The following CFHR5 variants were observed in gnomAD, a reference collection of about 807,000 sequenced individuals.
The protein encoded by CFHR5 is complement factor H related 5.
Under a neutral mutation model 62.9 loss-of-function variants are expected in CFHR5, and 73 were observed. The observed-to-expected ratio is 1.16, with a 90% CI of 0.96 to 1.41. CFHR5 has a LOEUF of 1.41. Ranked by LOEUF, CFHR5 falls within the 40% of genes most tolerant of loss-of-function variation. The pLI is 0.00. For missense variants in CFHR5, 779 were observed against 679.9 expected (o/e 1.15, Z -1.62); for synonymous variants, 249 against 227.2 (o/e 1.10, Z -0.86).
Position 196,994,086 on chromosome 1 carries a change from A to G in CFHR5, c.437A>G (p.Glu146Gly), listed in dbSNP as rs761584967. ...TPPICSFTKG[E>G]CHVPILEANV... ...CATTTAATTTTATTTTTAGAAGGAGAATGTCATGTTCCAATTTTAGAAGCC... is the reference window on the plus strand; with the variant it reads ...CATTTAATTTTATTTTTAGAAGGAGGATGTCATGTTCCAATTTTAGAAGCC... The change falls in exon 4 of 10, where the codon GAA becomes GGA. Residue 146 changes from glutamate to glycine, a missense_variant. Transcript: ENST00000256785. The G allele has an allele frequency of 2.9e-5, 47 of 1,610,688 alleles. No homozygotes were observed. The highest frequency in any genetic ancestry group is 3.5e-5 in the Non-Finnish European group (41 of 1,177,538).
intron 9 of CFHR5, among the ~76,000 whole-genome samples, chr1:197,008,236 T>C (rs1654342593): frequency 6.6e-6 from 1 of 151,572 alleles, no homozygotes; most frequent in East Asian, 1.9e-4. Flanking sequence ...AGGATGCATA[T>C]TCTGGCTCAA....
chr1:196,997,245 C>A (rs1410004154), intron 6 of CFHR5, among the ~76,000 whole-genome samples: 1 of 152,076 alleles, frequency 6.6e-6, no homozygotes, highest in Non-Finnish European at 1.5e-5. Context: ...CCGTGATGAC[C>A]TATTGTGAGG....
chr1:196,988,797 C>A (rs1043822632), intron 3 of CFHR5, among the ~76,000 whole-genome samples: 1 of 152,072 alleles, frequency 6.6e-6, no homozygotes, highest in Non-Finnish European at 1.5e-5. Context: ...ATTTTCACAT[C>A]GATGTTCATC....
At chr1:196,978,827 G>A (rs1197065130) in intron 1 of CFHR5, among the ~76,000 whole-genome samples, 1 of 152,202 alleles carries the variant, frequency 6.6e-6, no homozygotes, top group East Asian at 1.9e-4. Context: ...TTCTAAAGGG[G>A]GGTGGAAGCA....
chr1:197,001,774 T>C (rs1218391778), intron 7 of CFHR5, among the ~76,000 whole-genome samples: 1 of 141,352 alleles, frequency 7.1e-6, no homozygotes, highest in African/African-American at 2.6e-5. Flanking sequence ...CATTGTTCAA[T>C]TCCCACCATT....
chr1:196,979,859 CAAT>C (rs1189083051), intron 1 of CFHR5, among the ~76,000 whole-genome samples: 1 of 152,008 alleles, frequency 6.6e-6, no homozygotes, highest in Non-Finnish European at 1.5e-5. Context: ...AACTTTTCTT[CAAT>C]AATAAATTAA....
chr1:196,984,865 T>C (rs1653639600), intron 3 of CFHR5, among the ~76,000 whole-genome samples: 1 of 152,174 alleles, frequency 6.6e-6, no homozygotes, highest in Admixed American at 6.6e-5. Flanking sequence ...AGACTGACCT[T>C]ACTAGTCTCA....
chr1:196,992,907 T>C lies in CFHR5; in HGVS notation c.431-1173T>C, dbSNP rs867794583. Among the ~76,000 whole-genome samples, 4 of 152,186 alleles carry C rather than the reference T, an allele frequency of 2.6e-5. No individual in the cohort carries two copies. In the South Asian group the frequency reaches 8.3e-4, roughly 31 times the overall value. ...AGCTAGTTTGAAAATATTTATGAGA[T>C]TATTAGTTAGAACATATTTCAATTT... On this transcript the variant is annotated intron_variant, in intron 3 of 9. Coordinates refer to ENST00000256785, the MANE Select transcript of CFHR5 (RefSeq NM_030787.4).
intron 1 of CFHR5, among the ~76,000 whole-genome samples, chr1:196,978,170 T>A (rs1265945515): frequency 3.9e-5 from 6 of 152,162 alleles, no homozygotes; most frequent in African/African-American, 1.4e-4. Flanking sequence ...GGAATTCTCA[T>A]TTCAGCCTAA....
chr1:196,977,843 T>C (rs1653435567), intron 1 of CFHR5, 121 bp downstream of exon 1: 4 of 778,290 alleles, frequency 5.1e-6, no homozygotes, highest in Admixed American at 3.9e-5. Context: ...TGAAGGGGTA[T>C]CACAATATTC....
In CFHR5 at chr1:196,998,150, C is replaced by A. The variant is rs751010317; in HGVS notation, c.993C>A (p.Cys331Ter). The A allele has an allele frequency of 5.8e-5, 91 of 1,558,944 alleles. No individual in the cohort carries two copies. The South Asian group carries it at 9.6e-4, about 16-fold the overall frequency. Residue 331 changes from cysteine to a stop codon, truncating the protein, a stop_gained, in exon 7 of 10, where the codon TGC (cysteine) becomes TGA (stop). Coordinates refer to ENST00000256785, the MANE Select transcript of CFHR5 (RefSeq NM_030787.4). LOFTEE classifies it high-confidence loss of function. ...TAGCAACACACCAACTTAAGAGGTGCAAAATAGCAGGAGTTAATATAAAAA... is the reference window on the plus strand; with the variant it reads ...TAGCAACACACCAACTTAAGAGGTGAAAAATAGCAGGAGTTAATATAAAAA... Reference protein sequence around the residue: ...MCVATHQLKRCKIAGVNIKTL... With the variant: ...MCVATHQLKR
intron 7 of CFHR5, among the ~76,000 whole-genome samples, chr1:197,001,173 G>A (rs959254941): frequency 2.0e-5 from 3 of 152,096 alleles, no homozygotes; most frequent in African/African-American, 7.2e-5. Context: ...CAGTAAATAA[G>A]TAGGACGAGT....
At chr1:196,988,430 G>T (rs1352568718) in intron 3 of CFHR5, among the ~76,000 whole-genome samples, 1 of 152,112 alleles carries the variant, frequency 6.6e-6, no homozygotes, top group Non-Finnish European at 1.5e-5. Context: ...GTAAGAGAGG[G>T]CATCCCTGTC....
At position 196,982,875 on chromosome 1, in the gene CFHR5, T is replaced by C. The variant is rs548011954; in HGVS notation, c.59-10T>C. 1 of 1,611,000 alleles carries C rather than the reference T, an allele frequency of 6.2e-7. No homozygotes were observed. The highest frequency in any genetic ancestry group is 1.3e-5 in the African/African-American group (1 of 74,990). On this transcript the variant is annotated splice_polypyrimidine_tract_variant and intron_variant, in intron 1 of 9. Transcript: ENST00000256785. ...TATTTAATTCTTCAGTTTTGTGTTA[T>C]TTTTCCCAGGAACACTTTGTGATTT...
chr1:196,987,091 G>A (rs1030524285), intron 3 of CFHR5, among the ~76,000 whole-genome samples: 1 of 152,124 alleles, frequency 6.6e-6, no homozygotes, highest in African/African-American at 2.4e-5. Context: ...TCTCATTGTG[G>A]TTTTGATTTG....
In CFHR5 at chr1:197,008,837, T is replaced by C; in HGVS notation, c.*154T>C. On this transcript the variant is annotated 3_prime_UTR_variant, in exon 10 of 10. Transcript: ENST00000256785. ...CTCTGGATTTTTAGAGCTTTAGAAATTTGTAAGCTGAGAGAACAATGTTTC... is the reference window on the plus strand; with the variant it reads ...CTCTGGATTTTTAGAGCTTTAGAAACTTGTAAGCTGAGAGAACAATGTTTC... The C allele has an allele frequency of 1.5e-6, 1 of 673,482 alleles. No homozygotes were observed. Among genetic ancestry groups the C allele is most frequent in the South Asian group, 1.7e-5 (1 of 57,868 alleles). 41.7% of individuals were successfully genotyped at this position (673,482 alleles called of 1,614,324 possible).
chr1:197,007,909 C>T (rs1196965037), intron 9 of CFHR5, among the ~76,000 whole-genome samples: 1 of 145,846 alleles, frequency 6.9e-6, no homozygotes, highest in Non-Finnish European at 1.5e-5. Flanking sequence ...ATACAATTAA[C>T]GTACATATAT....
In CFHR5 at chr1:196,996,063, G is replaced by A. The variant is rs139017763; in HGVS notation, c.832G>A (p.Gly278Ser). The A allele has an allele frequency of 8.4e-3, 13,583 of 1,613,754 alleles. 89 individuals carry two copies. The highest frequency in any genetic ancestry group is 9.5e-3 in the Non-Finnish European group (11,179 of 1,179,764). The change falls in exon 6 of 10, where the codon GGT (glycine) becomes AGT (serine). Residue 278 changes from glycine (G) to serine (S), a missense_variant. Transcript: ENST00000256785. ...TGGATACATACCTGAACTCGAGTAC[G>A]GTTATGTTCAGCCGTCTGTCCCTCC... ...TCGYIPELEY[G>S]YVQPSVPPYQ... is the part of the protein sequence containing the mutation.
In CFHR5 at chr1:197,008,889, T is replaced by C. The variant is rs1439304308; in HGVS notation, c.*206T>C. On this transcript the variant is annotated 3_prime_UTR_variant, in exon 10 of 10. Coordinates refer to ENST00000256785, the MANE Select transcript of CFHR5 (RefSeq NM_030787.4). ...CTTAATAGGAGGGTGTCTTAGTCCA[T>C]ATTACATTGTTATAACAGAGTATCA... The C allele has an allele frequency of 1.6e-5, 9 of 549,404 alleles. No individual in the cohort carries two copies. Among genetic ancestry groups the C allele is most frequent in the African/African-American group, 5.7e-5 (3 of 52,806 alleles). The allele number at this position is 549,404 out of a possible 1,614,324, so 34.0% of individuals were successfully genotyped here. A position where few individuals can be genotyped will look rare whatever the true frequency, so the allele number is the denominator to read the frequency against.
Sources: allele counts gnomAD v4.1 joint callset (sites outside exome capture counted in the v4.1 genomes callset), GRCh38; gene constraint gnomAD v4.1.1; transcripts MANE v1.5; gene names NCBI Gene and HGNC (gene_info 2026-07-23, HGNC 2026-07-21).